SHMT1: variants seen among roughly 807,000 people sequenced by gnomAD.
The protein encoded by SHMT1 is serine hydroxymethyltransferase, cytosolic.
Under a neutral mutation model 49.0 loss-of-function variants are expected in SHMT1, and 45 were observed. The observed-to-expected ratio is 0.92, with a 90% CI of 0.72 to 1.18. The LOEUF (loss-of-function observed/expected upper bound fraction) is 1.18. SHMT1 is among the 50% of genes most tolerant of loss of function. The pLI, the probability that SHMT1 is intolerant of heterozygous loss-of-function variation, is 0.00. For synonymous variants in SHMT1, 232 were observed against 246.6 expected, an observed-to-expected ratio of 0.94 and a Z score of 0.55; for missense variants, 541 against 612.4, an observed-to-expected ratio of 0.88 and a Z score of 1.23.
At position 18,340,152 on chromosome 17, in the gene SHMT1, C is replaced by A. The variant is rs1320953110; in HGVS notation, c.705G>T (p.Leu235=). 11 of 1,614,122 alleles carry A rather than the reference C, an allele frequency of 6.8e-6. No homozygotes were observed. The highest frequency in any genetic ancestry group is 9.3e-6 in the Non-Finnish European group (11 of 1,180,058). The change falls in exon 7 of 12, where the codon CTG becomes CTT. Residue 235 remains leucine (L), a synonymous_variant. Coordinates refer to ENST00000316694, the MANE Select transcript of SHMT1 (RefSeq NM_004169.5). The surrounding 1 kb of genome is among the most constrained non-coding windows in gnomAD (Gnocchi z 4.5). The stretch of plus-strand genomic sequence containing the variant: ...GGGAGGGCACCACGCCAGCCGCCAC[C>A]AGCCCGCTGATGTGAGCCATGTCCG... ...LMADMAHISG[L]VAAGVVPSPF... is the part of the protein sequence containing the mutation.
chr17:18,335,196 G>A (rs1983656219), intron 8 of SHMT1, among the ~76,000 whole-genome samples: 1 of 152,234 alleles, frequency 6.6e-6, no homozygotes, highest in Non-Finnish European at 1.5e-5. Flanking sequence ...CACTGCCACA[G>A]GCCAGGCCCA....
chr17:18,341,995 TG>T (rs1335679236), intron 5 of SHMT1, among the ~76,000 whole-genome samples: 1 of 152,160 alleles, frequency 6.6e-6, no homozygotes, highest in Non-Finnish European at 1.5e-5. Flanking sequence ...GTTATCTGGA[TG>T]CCCGCCTCAC....
chr17:18,328,655 C>G lies in SHMT1; in HGVS notation c.*95G>C. On this transcript the variant is annotated 3_prime_UTR_variant, in exon 12 of 12. Coordinates refer to ENST00000316694, the MANE Select transcript of SHMT1 (RefSeq NM_004169.5). The stretch of plus-strand genomic sequence containing the variant: ...TCAAAGGGCCCGAGTGTCAACAGTT[C>G]CCCTTTGGAGCAGCTCATCCATCTC... The G allele has an allele frequency of 7.3e-7, 1 of 1,369,284 alleles. No homozygotes were observed. The highest frequency in any genetic ancestry group is 1.0e-6 in the Non-Finnish European group (1 of 992,578). The allele number at this position is 1,369,284 out of a possible 1,614,324, so 84.8% of individuals were successfully genotyped here.
chr17:18,343,547 G>A (rs1984747012), intron 5 of SHMT1, among the ~76,000 whole-genome samples: 5 of 146,366 alleles, frequency 3.4e-5, no homozygotes, highest in Admixed American at 2.8e-4. Context: ...GGCAGAGGTT[G>A]CAGTAAGCTG....
rs1984348915 is a variant in SHMT1 at position 18,340,228 on chromosome 17, T to G, written c.629A>C (p.Glu210Ala). Residue 210 changes from glutamate to alanine, a missense_variant, in exon 7 of 12, where the codon GAA becomes GCA. Glu to Ala is a moderately radical substitution (Grantham distance 107). Coordinates refer to ENST00000316694, the MANE Select transcript of SHMT1 (RefSeq NM_004169.5). The surrounding 1 kb of genome is among the most constrained non-coding windows in gnomAD (Gnocchi z 4.5). ...TGCAATCTTCCGTAGCCGGGCATAT[T>G]CCAGGTTTCGGGAGTAGCAGCTGGT... ...AGTSCYSRNL[E>A]YARLRKIADE... 1 of 1,614,140 alleles carries G rather than the reference T, an allele frequency of 6.2e-7. No homozygotes were observed.
At chr17:18,362,687 G>T (rs1209742166) in intron 1 of SHMT1, among the ~76,000 whole-genome samples, 4 of 152,210 alleles carry the variant, frequency 2.6e-5, no homozygotes, top group African/African-American at 4.8e-5. Flanking sequence ...GTAACTGCCC[G>T]ATTGAAGGCC....
chr17:18,361,194 A>T (rs931652068), intron 1 of SHMT1, among the ~76,000 whole-genome samples: 1 of 151,216 alleles, frequency 6.6e-6, no homozygotes, highest in Non-Finnish European at 1.5e-5. Context: ...AACCCCAGCT[A>T]CTCAGGAGGC....
chr17:18,358,150 TAAAAA>T (rs775035265), intron 1 of SHMT1, among the ~76,000 whole-genome samples: 2 of 113,490 alleles, frequency 1.8e-5, no homozygotes, highest in African/African-American at 6.4e-5. Context: ...CTAGGACTCT[TAAAAA>T]AAAAAAAAAA....
At chr17:18,336,233 C>T (rs9893653) in intron 7 of SHMT1, among the ~76,000 whole-genome samples, 4,822 of 151,474 alleles carry the variant, frequency 0.032, 216 homozygotes, top group African/African-American at 0.099. Flanking sequence ...GCCAAGATCG[C>T]GCCAGTGCAC....
At chr17:18,360,197 C>T (rs1427177843) in intron 1 of SHMT1, among the ~76,000 whole-genome samples, 1 of 151,780 alleles carries the variant, frequency 6.6e-6, no homozygotes, top group Admixed American at 6.6e-5. Context: ...TGCAGTGAGC[C>T]GAGATCATAC....
At chr17:18,347,023 T>C (rs1191233897) in intron 5 of SHMT1, among the ~76,000 whole-genome samples, 2 of 152,218 alleles carry the variant, frequency 1.3e-5, no homozygotes, top group Non-Finnish European at 1.5e-5. Context: ...TGGCTGTGGA[T>C]GGTGCCGGGC....
chr17:18,358,825 C>T (rs561241076), intron 1 of SHMT1, among the ~76,000 whole-genome samples: 2 of 152,074 alleles, frequency 1.3e-5, no homozygotes, highest in East Asian at 1.9e-4. Context: ...ATCACCTGAG[C>T]CTGGAAGCTA....
rs1248968273 is a variant in SHMT1 at position 18,328,594 on chromosome 17, T to G, written c.*156A>C. 6.8e-6 allele frequency: 5 copies of G among 735,866 alleles called. No homozygotes were observed. The allele number at this position is 735,866 out of a possible 1,614,324, so 45.6% of individuals were successfully genotyped here. On this transcript the variant is annotated 3_prime_UTR_variant, in exon 12 of 12. Coordinates refer to ENST00000316694, the MANE Select transcript of SHMT1 (RefSeq NM_004169.5). ...TGAGACTTAAACAAATTTTGATTTG[T>G]GAAGAAAACATGAAAAAAGTCCAAA...
In SHMT1 at chr17:18,335,650, A is replaced by C. The variant is rs749189337; in HGVS notation, c.840T>G (p.Thr280=). The change falls in exon 8 of 12, where the codon ACT becomes ACG. Residue 280 remains threonine (T), a synonymous_variant. Transcript: ENST00000316694. ...CCAGGTTGTACAGAATCTCTTTGCC[A>C]GTCTTGGGATCCACACTTTTCACTC... is the stretch of plus-strand genomic sequence containing the variant. ...RKGVKSVDPK[T]GKEILYNLES... The C allele has an allele frequency of 1.2e-6, 2 of 1,613,986 alleles. No individual in the cohort carries two copies. Among genetic ancestry groups the C allele is most frequent in the Non-Finnish European group, 1.7e-6 (2 of 1,179,870 alleles).
intron 5 of SHMT1, among the ~76,000 whole-genome samples, chr17:18,347,009 A>C (rs1478283323): frequency 1.3e-5 from 2 of 152,156 alleles, no homozygotes; most frequent in African/African-American, 4.8e-5. Context: ...GCCATGGAGG[A>C]CTGTGGCTGT....
At chr17:18,328,989 G>A in intron 11 of SHMT1, 70 bp from the exon 12 acceptor site, 1 of 1,583,724 alleles carries the variant, frequency 6.3e-7, no homozygotes, top group East Asian at 2.2e-5. Flanking sequence ...TGGGGGCCGA[G>A]GCACAAATGT....
At chr17:18,357,912 G>A (rs527763324) in intron 1 of SHMT1, among the ~76,000 whole-genome samples, 3 of 143,290 alleles carry the variant, frequency 2.1e-5, no homozygotes, top group African/African-American at 7.9e-5. Context: ...CGCCCAGGCT[G>A]GAGTACAGTG....
intron 9 of SHMT1, chr17:18,330,941 C>T (rs571244646): frequency 4.2e-6 from 2 of 472,412 alleles, no homozygotes; most frequent in African/African-American, 2.0e-5. Context: ...CCTCAGGCTG[C>T]TCCTGGCTTG....
At chr17:18,359,695 C>T (rs1986572753) in intron 1 of SHMT1, among the ~76,000 whole-genome samples, 1 of 151,936 alleles carries the variant, frequency 6.6e-6, no homozygotes, top group African/African-American at 2.4e-5. Flanking sequence ...CGCCTGTAAT[C>T]CCAGCACTTT....
Sources: gnomAD v4.1 joint callset for allele counts (sites outside exome capture counted in the v4.1 genomes callset) on GRCh38, gnomAD v4.1.1 for gene constraint, Gnocchi (gnomAD v3.1) non-coding constraint, MANE v1.5 for transcripts, NCBI Gene and HGNC (gene_info 2026-07-23, HGNC 2026-07-21) for gene names.